BRD4: variants seen among roughly 807,000 people sequenced by gnomAD.
The protein encoded by BRD4 is bromodomain-containing protein 4.
BRD4 carries 16 observed loss-of-function variants against 142.1 expected under a neutral mutation model. The ratio of observed to expected loss-of-function variants is 0.11; its 90% CI spans 0.08 to 0.17. BRD4 has a LOEUF of 0.17. BRD4 is among the 10% of genes least tolerant of loss of function. The pLI is 1.00. For missense variants in BRD4, 1,424 were observed against 1,810.9 expected, an observed-to-expected ratio of 0.79 and a Z score of 3.88; for synonymous variants, 833 against 707.5, an observed-to-expected ratio of 1.18 and a Z score of -2.82.
At chr19:15,248,052 C>T (rs944309607) in intron 11 of BRD4, 5 of 213,646 alleles carry the variant, frequency 2.3e-5, no homozygotes, top group African/African-American at 1.2e-4. Flanking sequence ...CAGAAGAAGG[C>T]AGGCCTCTAG....
chr19:15,258,921 T>C (rs1383195290), intron 7 of BRD4, among the ~76,000 whole-genome samples: 4 of 152,158 alleles, frequency 2.6e-5, no homozygotes, highest in African/African-American at 7.2e-5. Context: ...AATAACTCCT[T>C]GAGCAGGTCT....
intron 4 of BRD4, among the ~76,000 whole-genome samples, 180 bp from the exon 5 acceptor site, chr19:15,265,823 A>G (rs1052053845): frequency 2.0e-5 from 3 of 152,114 alleles, no homozygotes; most frequent in Non-Finnish European, 4.4e-5. Context: ...GGCTCAAAGA[A>G]CAGCAGAAAA....
intron 2 of BRD4, among the ~76,000 whole-genome samples, chr19:15,270,844 G>A (rs1006553090): frequency 6.6e-6 from 1 of 152,092 alleles, no homozygotes; most frequent in Non-Finnish European, 1.5e-5. Context: ...AATGCCCTGA[G>A]ACCACTCTCA....
intron 1 of BRD4, among the ~76,000 whole-genome samples, chr19:15,306,042 C>G (rs1044760478): frequency 2.0e-5 from 3 of 152,248 alleles, no homozygotes; most frequent in African/African-American, 7.2e-5. Flanking sequence ...AATAGAGTTA[C>G]TACGGCCTTG....
At chr19:15,268,523 C>T (rs553837203) in intron 3 of BRD4, among the ~76,000 whole-genome samples, 1 of 152,208 alleles carries the variant, frequency 6.6e-6, no homozygotes, top group East Asian at 1.9e-4. Context: ...CTCTGCACAA[C>T]TACATTTTAG....
intron 1 of BRD4, among the ~76,000 whole-genome samples, chr19:15,326,289 C>G (rs1470165193): frequency 6.6e-6 from 1 of 151,604 alleles, no homozygotes; most frequent in East Asian, 1.9e-4. Flanking sequence ...ATGGCAAAAT[C>G]CCATCTCTAT....
chr19:15,312,183 A>T (rs371308907), intron 1 of BRD4, among the ~76,000 whole-genome samples: 6 of 152,318 alleles, frequency 3.9e-5, no homozygotes, highest in African/African-American at 1.2e-4. Context: ...TTCAATAAAC[A>T]CCTACTACTA....
Position 15,256,171 on chromosome 19 carries a change from T to C in BRD4, c.1644A>G (p.Lys548=), listed in dbSNP as rs149289085. Residue 548 remains lysine, a synonymous_variant, in exon 9 of 20, where the codon AAA becomes AAG. Transcript: ENST00000679869. ...CTTCCTCTTTCCTTTTGTGCTTTTC[T>C]TTTTTCTTTTCCTTCTTGTCTTTCT... ...KKEKDKKEKK[K]EKHKRKEEVE... 456 of 1,612,782 alleles carry C rather than the reference T, an allele frequency of 2.8e-4. 4 individuals are homozygous for C. The African/African-American group carries it at 5.6e-3, about 20-fold the overall frequency.
At chr19:15,287,633 A>G (rs1183951839) in intron 1 of BRD4, among the ~76,000 whole-genome samples, 1 of 151,746 alleles carries the variant, frequency 6.6e-6, no homozygotes, top group African/African-American at 2.4e-5. Flanking sequence ...GGCAACCACC[A>G]TTCTACTTTC....
rs1333469353 is a variant in BRD4, at chr19:15,244,776, G to A, written c.2159-14C>T. ...TCGGAGCCATCTCTGCAGAGGAAAA[G>A]AGAAGGTAGTGAGGCTCTGGGGGAG... On this transcript the variant is annotated splice_polypyrimidine_tract_variant and intron_variant, in intron 11 of 19. Coordinates refer to ENST00000679869, the MANE Select transcript of BRD4 (RefSeq NM_001379291.1). The A allele has an allele frequency of 6.2e-7, 1 of 1,614,138 alleles. No individual in the cohort carries two copies. Among genetic ancestry groups the A allele is most frequent in the Admixed American group, 1.7e-5 (1 of 60,010 alleles).
chr19:15,278,913 C>T (rs1287881520), intron 1 of BRD4, among the ~76,000 whole-genome samples: 2 of 151,952 alleles, frequency 1.3e-5, no homozygotes, highest in East Asian at 1.9e-4. Flanking sequence ...GTGATCTCGA[C>T]TCACTGTAAC....
At chr19:15,323,664 T>C (rs2048083979) in intron 1 of BRD4, among the ~76,000 whole-genome samples, 1 of 152,126 alleles carries the variant, frequency 6.6e-6, no homozygotes, top group South Asian at 2.1e-4. Context: ...TTCTGAAAAT[T>C]GTGTAATACC....
chr19:15,242,588 G>A (rs941523421), intron 14 of BRD4, among the ~76,000 whole-genome samples: 4 of 152,102 alleles, frequency 2.6e-5, no homozygotes, highest in Admixed American at 6.6e-5. Flanking sequence ...CCCCTGAGGT[G>A]CATCAGGTAC....
chr19:15,241,723 C>T (rs956342569), intron 14 of BRD4, among the ~76,000 whole-genome samples: 2 of 152,038 alleles, frequency 1.3e-5, no homozygotes, highest in Non-Finnish European at 2.9e-5. Flanking sequence ...GCACAGCTGC[C>T]AGGCCCAACA....
chr19:15,269,062 A>C lies in BRD4; in HGVS notation c.286-20T>G. ...GTAATCCTGGAGAGCAGAGAGCAAA[A>C]GTCCAGTGTCACCTAGGCAGCCAGG... On this transcript the variant is annotated intron_variant, in intron 2 of 19. Coordinates refer to ENST00000679869, the MANE Select transcript of BRD4 (RefSeq NM_001379291.1). 6.2e-7 allele frequency: 1 copy of C among 1,613,376 alleles called. No homozygotes were observed. Among genetic ancestry groups the C allele is most frequent in the Non-Finnish European group, 8.5e-7 (1 of 1,179,700 alleles).
intron 1 of BRD4, among the ~76,000 whole-genome samples, chr19:15,324,313 G>A (rs529307948): frequency 6.6e-6 from 1 of 152,224 alleles, no homozygotes; most frequent in Non-Finnish European, 1.5e-5. Flanking sequence ...CTAATGCTTA[G>A]ATTATGTGAC....
At chr19:15,258,146 G>C (rs1465613153) in intron 7 of BRD4, among the ~76,000 whole-genome samples, 1 of 152,190 alleles carries the variant, frequency 6.6e-6, no homozygotes, top group Non-Finnish European at 1.5e-5. Context: ...CCATGGCAAA[G>C]ACCTTCCCCC....
At position 15,280,419 on chromosome 19, in the gene BRD4, A is replaced by G. The variant is rs201105354; in HGVS notation, c.-34-7286T>C. 14 of 1,015,220 alleles carry G rather than the reference A, an allele frequency of 1.4e-5. No homozygotes were observed. The African/African-American group carries it at 2.2e-4, about 16-fold the overall frequency. 62.9% of individuals were successfully genotyped at this position (1,015,220 alleles called of 1,614,324 possible). ...CATGTGGCCCATAAGCTGGGTCTTA[A>G]GTCAGACTTCTAGCAGTAGTATTCC... is the stretch of plus-strand genomic sequence containing the variant. On this transcript the variant is annotated intron_variant, in intron 1 of 19. Coordinates refer to ENST00000679869, the MANE Select transcript of BRD4 (RefSeq NM_001379291.1).
chr19:15,244,093 C>A, intron 13 of BRD4, 138 bp downstream of exon 13: 1 of 1,476,704 alleles, frequency 6.8e-7, no homozygotes, highest in Non-Finnish European at 9.0e-7. Context: ...AAGATGGCCT[C>A]GAGAAGCCAC....
Sources: allele counts gnomAD v4.1 joint callset (sites outside exome capture counted in the v4.1 genomes callset), GRCh38; gene constraint gnomAD v4.1.1; transcripts MANE v1.5; gene names NCBI Gene and HGNC (gene_info 2026-07-23, HGNC 2026-07-21).